The following DNAJC15 variants were observed in gnomAD, a reference collection of about 807,000 sequenced individuals.
The protein encoded by DNAJC15 is DnaJ heat shock protein family (Hsp40) member C15, also known as dnaJ homolog subfamily C member 15.
In DNAJC15, 27 loss-of-function variants were observed where a neutral mutation model predicts 22.4. The ratio of observed to expected loss-of-function variants is 1.20; its 90% confidence interval spans 0.89 to 1.66. The LOEUF (loss-of-function observed/expected upper bound fraction) is 1.66. DNAJC15 is among the 40% of genes most tolerant of loss of function. The pLI, the probability that DNAJC15 is intolerant of heterozygous loss-of-function variation, is 0.00. For missense variants in DNAJC15, 208 were observed against 187.1 expected (o/e 1.11, Z -0.65); for synonymous variants, 79 against 63.2 (o/e 1.25, Z -1.19).
At position 43,070,915 on chromosome 13, in the gene DNAJC15, TGAGATAGTCCGG is replaced by T. The variant is rs751818534; in HGVS notation, c.234+1914_234+1925del. Among the ~76,000 whole-genome samples the T allele has an allele frequency of 8.5e-5, 13 of 152,282 alleles. No homozygotes were observed. In the South Asian group the frequency reaches 1.0e-3, roughly 12 times the overall value. ...AGCTGTGAAACCAGTAAGCGGGTAT[TGAGATAGTCCGG>T]GTGATAGATGATGGTGGCTTGAAAT... On this transcript the variant is annotated intron_variant, in intron 3 of 5. Coordinates refer to ENST00000379221, the MANE Select transcript of DNAJC15 (RefSeq NM_013238.3).
In DNAJC15 at chr13:43,110,147, C is replaced by T. The variant is rs1235730981; in HGVS notation, c.*2899C>T. 6.6e-6 allele frequency: 1 copy of T among 152,224 alleles called. No homozygotes were observed. Among genetic ancestry groups the T allele is most frequent in the Non-Finnish European group, 1.5e-5 (1 of 68,070 alleles). The allele number at this position is 152,224 out of a possible 1,614,324, so 9.4% of individuals were successfully genotyped here. A position where few individuals can be genotyped will look rare whatever the true frequency, so the allele number is the denominator to read the frequency against. On this transcript the variant is annotated 3_prime_UTR_variant, in exon 6 of 6. Transcript: ENST00000379221. ...AGGCTGGAGGCACCACTTCTCTGGCCAGCAAGTTGGGCCTGGTTGTTGGCT... is the reference window on the plus strand; with the variant it reads ...AGGCTGGAGGCACCACTTCTCTGGCTAGCAAGTTGGGCCTGGTTGTTGGCT...
intron 1 of DNAJC15, among the ~76,000 whole-genome samples, chr13:43,060,645 G>T (rs142527436): frequency 4.6e-5 from 7 of 152,124 alleles, no homozygotes; most frequent in African/African-American, 1.7e-4. Flanking sequence ...GATTTTGGAG[G>T]AAAGAGAAAT....
intron 1 of DNAJC15, among the ~76,000 whole-genome samples, chr13:43,064,431 A>G (rs751173263): frequency 6.6e-6 from 1 of 152,152 alleles, no homozygotes; most frequent in Non-Finnish European, 1.5e-5. Flanking sequence ...CTATGTCTGC[A>G]CCAATGAAGA....
Position 43,023,707 on chromosome 13 carries a change from A to G in DNAJC15, c.81A>G (p.Pro27=), listed in dbSNP as rs1363657915. 1.2e-6 allele frequency: 2 copies of G among 1,611,810 alleles called. No individual in the cohort carries two copies. The highest frequency in any genetic ancestry group is 1.1e-5 in the South Asian group (1 of 90,678). Residue 27 remains proline (P), a synonymous_variant, in exon 1 of 6, where the codon CCA becomes CCG. Transcript: ENST00000379221. Reference sequence around the variant, plus strand: ...ACTTGCAGCCCTCGGCCAAACGGCCAGACGCCGACGTCGACCAGCAGAGAC... The same window carrying G: ...ACTTGCAGCCCTCGGCCAAACGGCCGGACGCCGACGTCGACCAGCAGAGAC... ...AEYLQPSAKR[P]DADVDQQRLV...
chr13:43,066,433 T>A (rs2040584372), intron 2 of DNAJC15, among the ~76,000 whole-genome samples: 1 of 152,066 alleles, frequency 6.6e-6, no homozygotes, highest in Non-Finnish European at 1.5e-5. Context: ...GTCACTCTCC[T>A]CCTTCTCTCT....
chr13:43,032,487 G>A (rs2040408283), intron 1 of DNAJC15, among the ~76,000 whole-genome samples: 1 of 152,192 alleles, frequency 6.6e-6, no homozygotes, highest in Admixed American at 6.5e-5. Context: ...CATTTACACT[G>A]TCTTATGTCC....
chr13:43,106,689 T>TA (rs574447430), intron 5 of DNAJC15, among the ~76,000 whole-genome samples: 99 of 152,114 alleles, frequency 6.5e-4, no homozygotes, highest in African/African-American at 2.2e-3. Context: ...TTTTTAAACA[T>TA]ACATTTTATT....
At chr13:43,069,054 A>G in intron 3 of DNAJC15, 51 bp downstream of exon 3, 2 of 1,541,024 alleles carry the variant, frequency 1.3e-6, no homozygotes, top group East Asian at 2.3e-5. Flanking sequence ...TTTTGTTCAT[A>G]TGACATATTT....
chr13:43,043,083 A>G (rs2040461087), intron 1 of DNAJC15, among the ~76,000 whole-genome samples: 1 of 152,080 alleles, frequency 6.6e-6, no homozygotes, highest in African/African-American at 2.4e-5. Flanking sequence ...ATTTATTCAC[A>G]TTTTGGTTTA....
chr13:43,023,693 T>A lies in DNAJC15; in HGVS notation c.67T>A (p.Ser23Thr). ...GCGCTACGCTGAGTACTTGCAGCCC[T>A]CGGCCAAACGGCCAGACGCCGACGT... ...SLRYAEYLQP[S>T]AKRPDADVDQ... Residue 23 changes from serine to threonine, a missense_variant, in exon 1 of 6, where the codon TCG becomes ACG. Coordinates refer to ENST00000379221, the MANE Select transcript of DNAJC15 (RefSeq NM_013238.3). 6.2e-7 allele frequency: 1 copy of A among 1,612,730 alleles called. No homozygotes were observed. Among genetic ancestry groups the A allele is most frequent in the Non-Finnish European group, 8.5e-7 (1 of 1,179,518 alleles).
intron 1 of DNAJC15, among the ~76,000 whole-genome samples, chr13:43,061,446 G>A (rs2040558484): frequency 6.6e-6 from 1 of 152,164 alleles, no homozygotes; most frequent in South Asian, 2.1e-4. Context: ...GGGATCTGAT[G>A]CCTTTTGATG....
chr13:43,048,363 A>G (rs919534760), intron 1 of DNAJC15, among the ~76,000 whole-genome samples: 1 of 151,072 alleles, frequency 6.6e-6, no homozygotes, highest in Non-Finnish European at 1.5e-5. Flanking sequence ...ATGGTGGCTC[A>G]TGCCTGTAAT....
intron 5 of DNAJC15, among the ~76,000 whole-genome samples, chr13:43,105,988 T>A (rs2040795000): frequency 6.6e-6 from 1 of 152,220 alleles, no homozygotes; most frequent in African/African-American, 2.4e-5. Context: ...AAATGTCAGT[T>A]GTATCCTCAA....
chr13:43,090,494 A>C lies in DNAJC15; in HGVS notation c.382+4656A>C, dbSNP rs187049302. Reference sequence around the variant, plus strand: ...TATGAAAGGTAAAACTAACTTCCATATTAAAAAAAACATAGACTTAGGCAA... The same window carrying C: ...TATGAAAGGTAAAACTAACTTCCATCTTAAAAAAAACATAGACTTAGGCAA... On this transcript the variant is annotated intron_variant, in intron 5 of 5. Coordinates refer to ENST00000379221, the MANE Select transcript of DNAJC15 (RefSeq NM_013238.3). Among the ~76,000 whole-genome samples, 170 of 151,988 alleles carry C rather than the reference A, an allele frequency of 1.1e-3. 1 individual carries two copies. Among genetic ancestry groups the C allele is most frequent in the African/African-American group, 4.0e-3 (167 of 41,290 alleles).
chr13:43,035,334 A>G (rs1420381697), intron 1 of DNAJC15, among the ~76,000 whole-genome samples: 1 of 152,238 alleles, frequency 6.6e-6, no homozygotes, highest in Non-Finnish European at 1.5e-5. Context: ...AGTACAGGTC[A>G]AGTGAACAGT....
At chr13:43,030,425 C>T (rs1184296482) in intron 1 of DNAJC15, among the ~76,000 whole-genome samples, 2 of 152,178 alleles carry the variant, frequency 1.3e-5, no homozygotes, top group East Asian at 1.9e-4. Flanking sequence ...CAAACCTGCA[C>T]ATCTAGCTGC....
At chr13:43,038,918 TAATAAA>T (rs2153439730) in intron 1 of DNAJC15, among the ~76,000 whole-genome samples, 1 of 152,064 alleles carries the variant, frequency 6.6e-6, no homozygotes, top group African/African-American at 2.4e-5. Flanking sequence ...TGATGTTAGA[TAATAAA>T]AATGACACTG....
At chr13:43,054,945 CAGA>C (rs971702770) in intron 1 of DNAJC15, among the ~76,000 whole-genome samples, 5 of 152,084 alleles carry the variant, frequency 3.3e-5, no homozygotes, top group Non-Finnish European at 5.9e-5. Flanking sequence ...CCCTGGAGCA[CAGA>C]AGGAGGGCGG....
At chr13:43,030,214 A>G (rs921481030) in intron 1 of DNAJC15, among the ~76,000 whole-genome samples, 4 of 152,222 alleles carry the variant, frequency 2.6e-5, no homozygotes, top group Non-Finnish European at 4.4e-5. Flanking sequence ...AAATTTGTCA[A>G]TTAAATTCAT....
Sources: gnomAD v4.1 joint callset for allele counts (sites outside exome capture counted in the v4.1 genomes callset) on GRCh38, gnomAD v4.1.1 for gene constraint, MANE v1.5 for transcripts, NCBI Gene and HGNC (gene_info 2026-07-23, HGNC 2026-07-21) for gene names.